Variants in WNK3 observed in about 807,000 individuals in gnomAD.
WNK3 encodes the protein serine/threonine-protein kinase WNK3.
Under a neutral mutation model 116.7 loss-of-function variants are expected in WNK3, and 18 were observed. That is an observed-to-expected ratio of 0.15 (90% CI 0.11 to 0.23). The LOEUF (loss-of-function observed/expected upper bound fraction) is 0.23, where lower values mean the gene tolerates loss of function less well. WNK3 is among the 10% of genes least tolerant of loss of function. The pLI is 1.00. For missense variants in WNK3, 993 were observed against 1,323.8 expected (o/e 0.75, Z 3.88); for synonymous variants, 404 against 469.4 (o/e 0.86, Z 1.80).
In WNK3 at chrX:54,198,212, A is replaced by G. The variant is rs1393574852; in HGVS notation, c.*112T>C. On this transcript the variant is annotated 3_prime_UTR_variant, in exon 24 of 24. Coordinates refer to ENST00000354646, the Ensembl canonical transcript of WNK3. ...AACAAAAAATATATAGTCTAAAGTA[A>G]ACTCAAATGAGGGAAAATATGACAG... 4 of 687,037 alleles carry G rather than the reference A, an allele frequency of 5.8e-6. No individual in the cohort carries two copies. The African/African-American group carries it at 6.6e-5, about 11-fold the overall frequency. The allele number at this position is 687,037 out of a possible 1,213,427, so 56.6% of individuals were successfully genotyped here.
chrX:54,219,898 CTG>C (rs2146787219), intron 22 of WNK3, among the ~76,000 whole-genome samples: 1 of 111,253 alleles, frequency 9.0e-6, no homozygotes, highest in African/African-American at 3.3e-5. Flanking sequence ...GGGCACCAAA[CTG>C]TGCACTGTCT....
exon 16 of WNK3, chrX:54,250,020 G>A (rs201969750): frequency 6.2e-5 from 74 of 1,201,524 alleles, no homozygotes; most frequent in African/African-American, 3.5e-5. Flanking sequence ...GCCAGGAACC[G>A]CAGACATGGA....
chrX:54,283,059 A>G (rs1223233574), intron 10 of WNK3, among the ~76,000 whole-genome samples: 1 of 112,371 alleles, frequency 8.9e-6, no homozygotes, highest in Non-Finnish European at 1.9e-5. Context: ...AAAATATTTT[A>G]AAGCATACAT....
intron 17 of WNK3, among the ~76,000 whole-genome samples, chrX:54,247,165 A>C (rs1407460942): frequency 9.0e-6 from 1 of 111,728 alleles, no homozygotes; most frequent in Non-Finnish European, 1.9e-5. Context: ...GTGGCAGCTA[A>C]GTATGATCCA....
chrX:54,205,267 CCAAA>C (rs140889058), intron 22 of WNK3, among the ~76,000 whole-genome samples: 25,887 of 102,712 alleles, frequency 0.25, 3,720 homozygotes, highest in African/African-American at 0.56. Flanking sequence ...AACCAACCAA[CCAAA>C]CAAACAAACA....
At chrX:54,251,986 G>C (rs782340002) in intron 13 of WNK3, among the ~76,000 whole-genome samples, 146 of 104,976 alleles carry the variant, frequency 1.4e-3, no homozygotes, top group Non-Finnish European at 2.4e-3. Flanking sequence ...AATTGCTTGA[G>C]CCCAGGAGGC....
exon 23 of WNK3, chrX:54,202,131 T>A: frequency 2.5e-6 from 3 of 1,210,825 alleles, no homozygotes; most frequent in Non-Finnish European, 3.4e-6. Context: ...TCTGTGAACA[T>A]CCCTTTTTTA....
At chrX:54,312,769 C>T (rs966165019) in intron 2 of WNK3, among the ~76,000 whole-genome samples, 1 of 111,173 alleles carries the variant, frequency 9.0e-6, no homozygotes, top group Non-Finnish European at 1.9e-5. Flanking sequence ...TGTATTTCTG[C>T]CCTATTTTCT....
intron 19 of WNK3, 80 bp downstream of exon 19, chrX:54,238,262 T>C: frequency 9.3e-7 from 1 of 1,075,440 alleles, no homozygotes; most frequent in Non-Finnish European, 1.2e-6. Flanking sequence ...AATGGAAGTA[T>C]CATCTACAGA....
intron 12 of WNK3, among the ~76,000 whole-genome samples, chrX:54,254,710 T>C (rs1409915004): frequency 9.0e-6 from 1 of 111,109 alleles, no homozygotes; most frequent in Non-Finnish European, 1.9e-5. Context: ...ACCAAGAACA[T>C]AGGGAATGTA....
At chrX:54,194,845 G>A (rs1175977334) in exon 24 of WNK3, 1 of 111,580 alleles carries the variant, frequency 9.0e-6, no homozygotes, top group African/African-American at 3.2e-5. Context: ...TAAATCTGGG[G>A]TTCTAAAATG....
intron 10 of WNK3, among the ~76,000 whole-genome samples, chrX:54,275,002 C>T (rs1343782487): frequency 2.2e-5 from 2 of 92,200 alleles, no homozygotes; most frequent in Middle Eastern, 5.4e-3. Flanking sequence ...CAAAGCAAGA[C>T]CCTGTCACAT....
At chrX:54,287,585 C>T (rs2068594465) in intron 10 of WNK3, among the ~76,000 whole-genome samples, 1 of 111,891 alleles carries the variant, frequency 8.9e-6, no homozygotes, top group Non-Finnish European at 1.9e-5. Flanking sequence ...ACAATCTTTC[C>T]CCATTAGACA....
At chrX:54,316,800 G>C (rs1438439417) in intron 2 of WNK3, among the ~76,000 whole-genome samples, 1 of 111,277 alleles carries the variant, frequency 9.0e-6, no homozygotes, top group Non-Finnish European at 1.9e-5. Context: ...AAATAAATAA[G>C]AAGTGTTGGC....
chrX:54,267,021 T>C (rs1488524129), intron 10 of WNK3, among the ~76,000 whole-genome samples: 2 of 110,879 alleles, frequency 1.8e-5, no homozygotes, highest in Non-Finnish European at 3.8e-5. Context: ...TGTTAGTTTG[T>C]TGAGGATGAT....
At chrX:54,335,543 T>C (rs1557175230) in intron 1 of WNK3, among the ~76,000 whole-genome samples, 1 of 111,824 alleles carries the variant, frequency 8.9e-6, no homozygotes, top group African/African-American at 3.2e-5. Context: ...CTTCTTACTA[T>C]GTTACGCACC....
chrX:54,338,250 GTCTC>G (rs2069269757), intron 1 of WNK3, among the ~76,000 whole-genome samples: 1 of 109,830 alleles, frequency 9.1e-6, no homozygotes, highest in African/African-American at 3.3e-5. Flanking sequence ...GTGAAACCCC[GTCTC>G]TACTGAAAAA....
intron 10 of WNK3, among the ~76,000 whole-genome samples, chrX:54,270,630 T>C (rs920026692): frequency 9.2e-6 from 1 of 108,944 alleles, no homozygotes; most frequent in African/African-American, 3.3e-5. Flanking sequence ...GTTTGTTACG[T>C]AGGTATACAT....
At chrX:54,277,952 G>T (rs2068469549) in intron 10 of WNK3, among the ~76,000 whole-genome samples, 1 of 109,741 alleles carries the variant, frequency 9.1e-6, no homozygotes, top group Non-Finnish European at 1.9e-5. Flanking sequence ...AATTAGCCGG[G>T]CATGGTGGCA....
Sources: allele counts gnomAD v4.1 joint callset (sites outside exome capture counted in the v4.1 genomes callset), GRCh38; gene constraint gnomAD v4.1.1; transcripts MANE v1.5; gene names NCBI Gene and HGNC (gene_info 2026-07-23, HGNC 2026-07-21).